FBXL17: variants seen among roughly 807,000 people sequenced by gnomAD.
The protein encoded by FBXL17 is F-box/LRR-repeat protein 17.
In FBXL17, 22 loss-of-function variants were observed where a neutral mutation model predicts 66.2. That is an observed-to-expected ratio of 0.33 (90% confidence interval 0.24 to 0.47). The LOEUF is 0.47. Ranked by LOEUF, FBXL17 falls within the 20% of genes least tolerant of loss-of-function variation. The pLI is 1.00. For synonymous variants in FBXL17, 474 were observed against 400.5 expected (o/e 1.18, Z -2.19); for missense variants, 878 against 948.2 (o/e 0.93, Z 0.97).
At chr5:108,003,220 C>A (rs774191403) in intron 7 of FBXL17, among the ~76,000 whole-genome samples, 14 of 152,134 alleles carry the variant, frequency 9.2e-5, no homozygotes, top group Non-Finnish European at 1.3e-4. Flanking sequence ...AAGTCACAGG[C>A]CAATCACATG....
rs1268642771 is a variant in FBXL17 at position 108,154,614 on chromosome 5, T to TACAC, written c.1745+31502_1745+31503insGTGT. On this transcript the variant is annotated intron_variant, in intron 6 of 8. Transcript: ENST00000542267. The stretch of plus-strand genomic sequence containing the variant: ...TCAAAAAAAAAAAAAAAAATATATA[T>TACAC]ATACACACACACACACACACACACA... Among the ~76,000 whole-genome samples, 302 of 98,272 alleles carry TACAC rather than the reference T, an allele frequency of 3.1e-3. 4 individuals carry two copies. Among genetic ancestry groups the TACAC allele is most frequent in the African/African-American group, 9.9e-3 (266 of 26,756 alleles). The allele number at this position is 98,272 out of a possible 152,430, so 64.5% of individuals were successfully genotyped here.
rs558944701 is a variant in FBXL17, at chr5:108,194,958, G to C, written c.1615-8711C>G. Among the ~76,000 whole-genome samples, 7 of 152,216 alleles carry C rather than the reference G, an allele frequency of 4.6e-5. No individual in the cohort carries two copies. In the South Asian group the frequency reaches 1.5e-3, roughly 32 times the overall value. On this transcript the variant is annotated intron_variant, in intron 5 of 8. Coordinates refer to ENST00000542267, the MANE Select transcript of FBXL17 (RefSeq NM_001163315.3). ...ATTGATTTTTAAAAATCCAGTTACT[G>C]AAAGTACAAAAATAATTTGTAAAGC...
chr5:108,207,595 A>C (rs1346028060), intron 5 of FBXL17, among the ~76,000 whole-genome samples: 1 of 151,584 alleles, frequency 6.6e-6, no homozygotes, highest in African/African-American at 2.4e-5. Context: ...TTTTCTTGTC[A>C]TAGTTTGCTG....
At chr5:108,146,312 A>T (rs1194477012) in intron 6 of FBXL17, among the ~76,000 whole-genome samples, 1 of 152,168 alleles carries the variant, frequency 6.6e-6, no homozygotes, top group Non-Finnish European at 1.5e-5. Context: ...GGTACAAAAA[A>T]AAAAAATGAA....
intron 6 of FBXL17, among the ~76,000 whole-genome samples, chr5:108,072,408 G>A (rs768457958): frequency 4.6e-5 from 7 of 152,172 alleles, no homozygotes; most frequent in Middle Eastern, 3.2e-3. Flanking sequence ...CGACAGAAAC[G>A]TTCCTTAGAA....
chr5:107,891,940 A>ATATCGTAACTTGAAAG (rs1465611348), intron 7 of FBXL17, among the ~76,000 whole-genome samples: 1 of 152,116 alleles, frequency 6.6e-6, no homozygotes, highest in East Asian at 1.9e-4. Context: ...TAAGTTGAAA[A>ATATCGTAACTTGAAAG]TATCGTAACT....
intron 7 of FBXL17, among the ~76,000 whole-genome samples, chr5:107,965,528 T>C (rs1752090491): frequency 6.6e-6 from 1 of 152,130 alleles, no homozygotes; most frequent in Non-Finnish European, 1.5e-5. Context: ...AATAAGATGC[T>C]GTAAAATAGA....
intron 7 of FBXL17, among the ~76,000 whole-genome samples, chr5:108,008,014 TAA>T (rs1370704193): frequency 6.6e-6 from 1 of 152,072 alleles, no homozygotes. Context: ...ATTGTGGAAA[TAA>T]AAGAACGTGA....
chr5:108,314,139 A>G (rs759135917), intron 4 of FBXL17, among the ~76,000 whole-genome samples: 2 of 151,814 alleles, frequency 1.3e-5, no homozygotes, highest in African/African-American at 2.4e-5. Context: ...AAGAAAGATC[A>G]TATTTAAAAC....
chr5:108,027,454 T>C (rs1354486512), intron 6 of FBXL17, among the ~76,000 whole-genome samples: 2 of 152,178 alleles, frequency 1.3e-5, no homozygotes, highest in Non-Finnish European at 2.9e-5. Context: ...TAACATTTTC[T>C]AAGCATTCCT....
intron 7 of FBXL17, among the ~76,000 whole-genome samples, chr5:107,981,573 C>T (rs1259768906): frequency 2.0e-5 from 3 of 152,252 alleles, no homozygotes; most frequent in Non-Finnish European, 4.4e-5. Context: ...CACTCCATTC[C>T]GCTTTGAGTG....
In FBXL17 at chr5:108,358,446, GT is replaced by G. The variant is rs367888134; in HGVS notation, c.1374+6291del. On this transcript the variant is annotated intron_variant, in intron 3 of 8. Coordinates refer to ENST00000542267, the MANE Select transcript of FBXL17 (RefSeq NM_001163315.3). The stretch of plus-strand genomic sequence containing the variant: ...TTTTGCACACCAATTAAGATGACTG[GT>G]TTTTTTTTCCTTTCATTCTCTTAAT... Among the ~76,000 whole-genome samples, 404 of 151,228 alleles carry G rather than the reference GT, an allele frequency of 2.7e-3. 2 individuals carry two copies. Among genetic ancestry groups the G allele is most frequent in the African/African-American group, 9.4e-3 (388 of 41,256 alleles).
intron 7 of FBXL17, among the ~76,000 whole-genome samples, chr5:108,006,972 C>T (rs1040982613): frequency 1.3e-5 from 2 of 152,060 alleles, no homozygotes; most frequent in Non-Finnish European, 2.9e-5. Context: ...ACATCAGGAG[C>T]GTTCTTAAAA....
At chr5:108,360,366 A>G (rs1407625885) in intron 3 of FBXL17, among the ~76,000 whole-genome samples, 1 of 152,102 alleles carries the variant, frequency 6.6e-6, no homozygotes, top group Non-Finnish European at 1.5e-5. Context: ...CAAATACAGA[A>G]TTCTTGCTTG....
At chr5:108,270,292 C>T (rs1363923210) in intron 4 of FBXL17, among the ~76,000 whole-genome samples, 2 of 151,930 alleles carry the variant, frequency 1.3e-5, no homozygotes, top group African/African-American at 2.4e-5. Flanking sequence ...GCGATCTCCC[C>T]TACAATCCAT....
chr5:108,094,136 C>G (rs1233092598), intron 6 of FBXL17, among the ~76,000 whole-genome samples: 1 of 152,092 alleles, frequency 6.6e-6, no homozygotes, highest in Admixed American at 6.6e-5. Context: ...TTTACTGGAA[C>G]ACAGGCACAA....
chr5:107,886,915 C>A (rs912642191), intron 7 of FBXL17, among the ~76,000 whole-genome samples: 229 of 129,314 alleles, frequency 1.8e-3, no homozygotes, highest in African/African-American at 2.3e-3. Context: ...TAATGAAATA[C>A]AAAAAAAAAA....
intron 4 of FBXL17, among the ~76,000 whole-genome samples, chr5:108,303,099 C>G (rs539645740): frequency 3.3e-5 from 5 of 151,826 alleles, no homozygotes; most frequent in African/African-American, 1.2e-4. Flanking sequence ...TTTTAATATA[C>G]TCTTCCCAAA....
chr5:107,922,862 C>T (rs919060762), intron 7 of FBXL17, among the ~76,000 whole-genome samples: 9 of 152,272 alleles, frequency 5.9e-5, no homozygotes, highest in African/African-American at 2.2e-4. Flanking sequence ...AGAATAAGCT[C>T]AGAGACCTCT....
Sources: allele counts gnomAD v4.1 joint callset (sites outside exome capture counted in the v4.1 genomes callset), GRCh38; gene constraint gnomAD v4.1.1; transcripts MANE v1.5; gene names NCBI Gene and HGNC (gene_info 2026-07-23, HGNC 2026-07-21).